CPT1A: variants seen among roughly 807,000 people sequenced by gnomAD.
The protein encoded by CPT1A is carnitine palmitoyltransferase 1A.
Under a neutral mutation model 100.8 loss-of-function variants are expected in CPT1A, and 64 were observed. The ratio of observed to expected loss-of-function variants is 0.63; its 90% CI spans 0.52 to 0.78. The LOEUF is 0.78. Ranked by LOEUF, CPT1A falls within the 30% of genes least tolerant of loss-of-function variation. The pLI is 0.00. For missense variants in CPT1A, 802 were observed against 1,034.1 expected, an observed-to-expected ratio of 0.78 and a Z score of 3.08; for synonymous variants, 363 against 396.0, an observed-to-expected ratio of 0.92 and a Z score of 0.99.
intron 14 of CPT1A, among the ~76,000 whole-genome samples, chr11:68,763,310 C>T (rs955204954): frequency 2.0e-5 from 3 of 152,006 alleles, no homozygotes; most frequent in Admixed American, 2.0e-4. Flanking sequence ...TATGACACCC[C>T]CCCCACCCCC....
At chr11:68,785,954 G>A (rs192569626) in intron 9 of CPT1A, 56 of 698,478 alleles carry the variant, frequency 8.0e-5, no homozygotes, top group African/African-American at 2.8e-4. Flanking sequence ...GATGAAGTAC[G>A]TTCACTCCAC....
chr11:68,786,814 A>G (rs528212348), intron 9 of CPT1A, among the ~76,000 whole-genome samples: 4 of 152,224 alleles, frequency 2.6e-5, no homozygotes, highest in Admixed American at 2.0e-4. Context: ...CAGGCATGAG[A>G]CACTGCACCT....
intron 7 of CPT1A, among the ~76,000 whole-genome samples, chr11:68,796,309 C>A (rs962789256): frequency 2.6e-5 from 4 of 151,886 alleles, no homozygotes; most frequent in African/African-American, 7.3e-5. Context: ...GTAATCCCAG[C>A]ACTTAGGGAG....
intron 12 of CPT1A, among the ~76,000 whole-genome samples, chr11:68,779,808 A>AC (rs1191765844): frequency 2.6e-5 from 4 of 151,284 alleles, no homozygotes; most frequent in African/African-American, 7.3e-5. Context: ...AAAAAAAAAA[A>AC]AAAACAATGG....
chr11:68,762,537 T>G, intron 15 of CPT1A, 90 bp downstream of exon 15: 2,278 of 1,477,506 alleles, frequency 1.5e-3, no homozygotes, highest in Non-Finnish European at 1.9e-3. Flanking sequence ...ACAGGAATGA[T>G]GAGATCAGAG....
At chr11:68,784,473 G>T (rs1337451218) in intron 10 of CPT1A, among the ~76,000 whole-genome samples, 2 of 152,130 alleles carry the variant, frequency 1.3e-5, no homozygotes, top group African/African-American at 4.8e-5. Flanking sequence ...GGCGGAGGTT[G>T]CTGTGAGCTG....
At chr11:68,796,700 T>C (rs1408133307) in intron 7 of CPT1A, among the ~76,000 whole-genome samples, 156 bp downstream of exon 7, 4 of 152,120 alleles carry the variant, frequency 2.6e-5, no homozygotes, top group Admixed American at 2.6e-4. Flanking sequence ...AGGGTACTCA[T>C]AGGGTTCTCC....
intron 1 of CPT1A, among the ~76,000 whole-genome samples, chr11:68,830,174 G>T (rs10896372): frequency 0.73 from 111,434 of 152,058 alleles, 43,540 homozygotes; most frequent in Non-Finnish European, 0.87. Flanking sequence ...GCCATTCTGG[G>T]GGCTGAGGTG....
In CPT1A at chr11:68,787,770, C is replaced by T. The variant is rs564788921; in HGVS notation, c.968-2760G>A. On this transcript the variant is annotated intron_variant, in intron 9 of 18. Transcript: ENST00000265641. Reference sequence around the variant, plus strand: ...CAGCCTGGCCTACATGGTGAAAACTCGTCTCTACTAAAAAATTACAAAAAT... The same window carrying T: ...CAGCCTGGCCTACATGGTGAAAACTTGTCTCTACTAAAAAATTACAAAAAT... Among the ~76,000 whole-genome samples, 3 of 152,026 alleles carry T rather than the reference C, an allele frequency of 2.0e-5. No homozygotes were observed. The South Asian group carries it at 6.2e-4, about 32-fold the overall frequency.
intron 1 of CPT1A, among the ~76,000 whole-genome samples, chr11:68,837,903 C>G (rs1469610169): frequency 6.6e-6 from 1 of 152,086 alleles, no homozygotes; most frequent in African/African-American, 2.4e-5. Context: ...CTCTGGGCCA[C>G]TGAAATAATG....
chr11:68,779,950 T>C (rs987973800), intron 12 of CPT1A, among the ~76,000 whole-genome samples: 2 of 152,200 alleles, frequency 1.3e-5, no homozygotes, highest in Non-Finnish European at 1.5e-5. Flanking sequence ...GATTTTCACA[T>C]GCTTGCTTCT....
intron 5 of CPT1A, among the ~76,000 whole-genome samples, chr11:68,803,053 GCTGA>G (rs1303086941): frequency 2.0e-5 from 3 of 152,204 alleles, no homozygotes; most frequent in Non-Finnish European, 2.9e-5. Flanking sequence ...CCGGCTAGAA[GCTGA>G]CTATCACCCC....
chr11:68,787,421 G>T lies in CPT1A; in HGVS notation c.968-2411C>A, dbSNP rs111757007. ...TGCACTCCAGCCTGGGCGACAGCAA[G>T]ACTCTGTCTCAAAAAAAAAAAAAAA... is the stretch of plus-strand genomic sequence containing the variant. On this transcript the variant is annotated intron_variant, in intron 9 of 18. Coordinates refer to ENST00000265641, the MANE Select transcript of CPT1A (RefSeq NM_001876.4). 5.3e-3 allele frequency among the ~76,000 whole-genome samples: 766 copies of T among 143,398 alleles called. 5 individuals are homozygous for T. The highest frequency in any genetic ancestry group is 0.019 in the African/African-American group (726 of 38,492). 94.1% of individuals were successfully genotyped at this position (143,398 alleles called of 152,430 possible).
intron 7 of CPT1A, among the ~76,000 whole-genome samples, chr11:68,796,555 T>TCAAAA (rs1412297311): frequency 1.3e-5 from 2 of 151,482 alleles, no homozygotes; most frequent in African/African-American, 4.9e-5. Flanking sequence ...AAGCTCCATC[T>TCAAAA]CAAAACAAAA....
intron 17 of CPT1A, 113 bp downstream of exon 17, chr11:68,760,112 C>A (rs1413350037): frequency 6.7e-6 from 5 of 745,746 alleles, no homozygotes; most frequent in Non-Finnish European, 9.6e-6. Flanking sequence ...TCCTTTACGG[C>A]GGTAGAACCG....
rs546930348 is a variant in CPT1A at position 68,761,422 on chromosome 11, C to T, written c.2028+113G>A. 1.6e-5 allele frequency: 20 copies of T among 1,236,172 alleles called. No homozygotes were observed. The African/African-American group carries it at 1.6e-4, about 10-fold the overall frequency. The allele number at this position is 1,236,172 out of a possible 1,614,324, so 76.6% of individuals were successfully genotyped here. ...TTTATGACAGCTACACCCACAGACC[C>T]GTTTTTTTCAAATGCCCATTCTGAC... On this transcript the variant is annotated intron_variant, in intron 16 of 18. Transcript: ENST00000265641.
At chr11:68,792,488 G>A (rs1190890963) in intron 9 of CPT1A, among the ~76,000 whole-genome samples, 1 of 152,228 alleles carries the variant, frequency 6.6e-6, no homozygotes, top group Non-Finnish European at 1.5e-5. Flanking sequence ...CCATCCACAG[G>A]CACCTGGGGA....
intron 13 of CPT1A, chr11:68,774,030 A>C (rs576917456): frequency 1.2e-5 from 2 of 161,214 alleles, no homozygotes; most frequent in Non-Finnish European, 2.8e-5. Context: ...ACAGCCCACA[A>C]CAAGGGAGGA....
intron 4 of CPT1A, among the ~76,000 whole-genome samples, chr11:68,806,065 G>A (rs1000942025): frequency 3.3e-5 from 5 of 150,928 alleles, no homozygotes; most frequent in Non-Finnish European, 7.4e-5. Context: ...TGTCCCCTAG[G>A]AGTGCAGTGA....
Sources: gnomAD v4.1 joint callset for allele counts (sites outside exome capture counted in the v4.1 genomes callset) on GRCh38, gnomAD v4.1.1 for gene constraint, MANE v1.5 for transcripts, NCBI Gene and HGNC (gene_info 2026-07-23, HGNC 2026-07-21) for gene names.